ITGA9: variants seen among roughly 807,000 people sequenced by gnomAD.
ITGA9 encodes the protein integrin alpha-9.
Under a neutral mutation model 127.8 loss-of-function variants are expected in ITGA9, and 56 were observed. The observed-to-expected ratio is 0.44, with a 90% CI of 0.35 to 0.55. The LOEUF (loss-of-function observed/expected upper bound fraction) is 0.55, where lower values mean the gene tolerates loss of function less well. ITGA9 is among the 20% of genes least tolerant of loss of function. ITGA9 has a pLI of 0.00. For missense variants in ITGA9, 1,196 were observed against 1,347.1 expected, an observed-to-expected ratio of 0.89 and a Z score of 1.76; for synonymous variants, 508 against 514.5, an observed-to-expected ratio of 0.99 and a Z score of 0.17.
intron 5 of ITGA9, among the ~76,000 whole-genome samples, chr3:37,501,932 T>C (rs1416069095): frequency 3.3e-5 from 5 of 152,190 alleles, no homozygotes; most frequent in Admixed American, 6.5e-5. Flanking sequence ...CCTGTACTCT[T>C]GGAAAACAGT....
At chr3:37,537,264 G>C (rs932960059) in intron 14 of ITGA9, among the ~76,000 whole-genome samples, 1 of 152,190 alleles carries the variant, frequency 6.6e-6, no homozygotes, top group African/African-American at 2.4e-5. Flanking sequence ...GTTGGGGCCA[G>C]CTGCCGTGAG....
At chr3:37,614,592 C>T (rs1178223493) in intron 15 of ITGA9, among the ~76,000 whole-genome samples, 4 of 151,468 alleles carry the variant, frequency 2.6e-5, no homozygotes, top group African/African-American at 7.3e-5. Flanking sequence ...TCTTCCTACC[C>T]ATGAGCATGG....
chr3:37,651,686 G>A (rs1700430951), intron 16 of ITGA9, among the ~76,000 whole-genome samples: 1 of 152,160 alleles, frequency 6.6e-6, no homozygotes, highest in African/African-American at 2.4e-5. Context: ...AGCTCACGAT[G>A]GGCCTGAACT....
At chr3:37,698,963 T>C (rs541574767) in intron 18 of ITGA9, among the ~76,000 whole-genome samples, 1 of 152,338 alleles carries the variant, frequency 6.6e-6, no homozygotes, top group South Asian at 2.1e-4. Context: ...GGGACACTTA[T>C]TTTAGCCTGT....
Position 37,799,652 on chromosome 3 carries a change from G to A in ITGA9, c.2890-4171G>A, listed in dbSNP as rs545344399. ...AGGAAAGTCATGGATACTGTAAACCGAGAAGTGACATGATGAGACCTGTGC... is the reference window on the plus strand; with the variant it reads ...AGGAAAGTCATGGATACTGTAAACCAAGAAGTGACATGATGAGACCTGTGC... On this transcript the variant is annotated intron_variant, in intron 26 of 27. Coordinates refer to ENST00000264741, the MANE Select transcript of ITGA9 (RefSeq NM_002207.3). This position sits in a 1 kb window ranked among gnomAD's most constrained non-coding sequence, Gnocchi z 4.0. Among the ~76,000 whole-genome samples, 12 of 152,288 alleles carry A rather than the reference G, an allele frequency of 7.9e-5. No individual in the cohort carries two copies. The highest frequency in any genetic ancestry group is 2.1e-4 in the South Asian group (1 of 4,824).
intron 23 of ITGA9, among the ~76,000 whole-genome samples, chr3:37,750,977 A>G (rs1696578748): frequency 6.6e-6 from 1 of 152,262 alleles, no homozygotes; most frequent in Non-Finnish European, 1.5e-5. Flanking sequence ...AAGGACATTC[A>G]GCCAAAGGGA....
chr3:37,463,209 T>A (rs1698335074), intron 1 of ITGA9, among the ~76,000 whole-genome samples: 1 of 152,208 alleles, frequency 6.6e-6, no homozygotes, highest in Non-Finnish European at 1.5e-5. Context: ...CCGTCAGAAG[T>A]GGCATGCCTT....
chr3:37,653,696 C>T lies in ITGA9; in HGVS notation c.1840-18C>T. Reference sequence around the variant, plus strand: ...CACTCAATCCTGCCCTAACCTTCCTCTCCTGTCTTTCTCACAGACTGTTTT... The same window carrying T: ...CACTCAATCCTGCCCTAACCTTCCTTTCCTGTCTTTCTCACAGACTGTTTT... On this transcript the variant is annotated intron_variant, in intron 16 of 27. Transcript: ENST00000264741. The T allele has an allele frequency of 2.5e-6, 4 of 1,598,852 alleles. No homozygotes were observed. The highest frequency in any genetic ancestry group is 1.1e-5 in the South Asian group (1 of 90,758).
In ITGA9 at chr3:37,651,382, A is replaced by G. The variant is rs144050148; in HGVS notation, c.1840-2332A>G. Among the ~76,000 whole-genome samples, 689 of 152,304 alleles carry G rather than the reference A, an allele frequency of 4.5e-3. 4 individuals are homozygous for G. The highest frequency in any genetic ancestry group is 0.024 in the Middle Eastern group (7 of 294). ...TTAGGGGCCTGGAGCTTTGGTTTTG[A>G]TGAACAGTGTGCTGGTATTGGCTCT... On this transcript the variant is annotated intron_variant, in intron 16 of 27. Transcript: ENST00000264741.
At chr3:37,559,274 G>GCACACACACACA (rs10569609) in intron 15 of ITGA9, among the ~76,000 whole-genome samples, 1 of 150,686 alleles carries the variant, frequency 6.6e-6, no homozygotes, top group Non-Finnish European at 1.5e-5. Context: ...AACTATGTGA[G>GCACACACACACA]CACACACACA....
In ITGA9 at chr3:37,767,929, G is replaced by A. The variant is rs577216241; in HGVS notation, c.2542-9463G>A. 1.7e-4 allele frequency among the ~76,000 whole-genome samples: 26 copies of A among 152,236 alleles called. No homozygotes were observed. The South Asian group carries it at 5.2e-3, about 30-fold the overall frequency. On this transcript the variant is annotated intron_variant, in intron 23 of 27. Transcript: ENST00000264741. ...AAATTAGCCATGTTCATATTAAGGA[G>A]CAATCTAAGATCATTATTGCTGTTT...
intron 23 of ITGA9, among the ~76,000 whole-genome samples, chr3:37,765,638 T>C (rs1450765965): frequency 6.6e-6 from 1 of 152,144 alleles, no homozygotes; most frequent in Non-Finnish European, 1.5e-5. Context: ...ATTCCTAGGC[T>C]CTTGGTTAAT....
intron 3 of ITGA9, among the ~76,000 whole-genome samples, chr3:37,478,776 T>C (rs571657101): frequency 9.9e-5 from 15 of 152,242 alleles, no homozygotes; most frequent in Non-Finnish European, 1.9e-4. Context: ...ACACTTTGCA[T>C]TGTTTTCCTA....
At chr3:37,531,042 C>T (rs953094487) in intron 13 of ITGA9, among the ~76,000 whole-genome samples, 3 of 151,994 alleles carry the variant, frequency 2.0e-5, no homozygotes, top group Non-Finnish European at 2.9e-5. Context: ...TGAGCCACCG[C>T]GCCCGGCCGC....
chr3:37,551,275 T>C (rs891250877), intron 15 of ITGA9, among the ~76,000 whole-genome samples: 1 of 152,196 alleles, frequency 6.6e-6, no homozygotes, highest in Non-Finnish European at 1.5e-5. Context: ...GGGATTCTGT[T>C]CGCCAGCCCC....
chr3:37,561,147 A>G (rs1271599482), intron 15 of ITGA9, among the ~76,000 whole-genome samples: 1 of 152,224 alleles, frequency 6.6e-6, no homozygotes, highest in Non-Finnish European at 1.5e-5. Context: ...TAACACAGGA[A>G]TTTTGGGGGA....
chr3:37,549,251 TG>T (rs1575146177), intron 15 of ITGA9, among the ~76,000 whole-genome samples: 1 of 152,246 alleles, frequency 6.6e-6, no homozygotes, highest in Non-Finnish European at 1.5e-5. Flanking sequence ...ATTTATTTCT[TG>T]GGTGCAATGA....
At chr3:37,774,346 T>C (rs558334573) in intron 23 of ITGA9, among the ~76,000 whole-genome samples, 2 of 152,268 alleles carry the variant, frequency 1.3e-5, no homozygotes, top group South Asian at 4.1e-4. Context: ...CCAGACCTGA[T>C]GTTGATTGAG....
At chr3:37,527,767 GA>G (rs1340694407) in intron 13 of ITGA9, among the ~76,000 whole-genome samples, 5 of 124,990 alleles carry the variant, frequency 4.0e-5, no homozygotes, top group African/African-American at 9.2e-5. Context: ...TTTTACAGTT[GA>G]AAACAGGCTT....
Sources: gnomAD v4.1 joint callset for allele counts (sites outside exome capture counted in the v4.1 genomes callset) on GRCh38, gnomAD v4.1.1 for gene constraint, Gnocchi (gnomAD v3.1) non-coding constraint, MANE v1.5 for transcripts, NCBI Gene and HGNC (gene_info 2026-07-23, HGNC 2026-07-21) for gene names.